The following CDH19 variants were observed in gnomAD, a reference collection of about 807,000 sequenced individuals.
CDH19 encodes cadherin 19.
In CDH19, 67 loss-of-function variants were observed where a neutral mutation model predicts 64.2. That is an observed-to-expected ratio of 1.04 (90% CI 0.86 to 1.28). CDH19 has a LOEUF of 1.28. Among genes scored for constraint, CDH19 ranks in the 50% most tolerant of loss-of-function variants. The pLI is 0.00. For synonymous variants in CDH19, 346 were observed against 319.3 expected (o/e 1.08, Z -0.89); for missense variants, 1,030 against 929.0 (o/e 1.11, Z -1.41).
chr18:66,579,947 C>G (rs1988377798), intron 1 of CDH19, among the ~76,000 whole-genome samples: 1 of 151,894 alleles, frequency 6.6e-6, no homozygotes, highest in Non-Finnish European at 1.5e-5. Flanking sequence ...AGTATATTTT[C>G]TTTAAAATAT....
intron 1 of CDH19, among the ~76,000 whole-genome samples, chr18:66,588,764 C>T (rs1988656927): frequency 6.6e-6 from 1 of 151,326 alleles, no homozygotes; most frequent in African/African-American, 2.4e-5. Context: ...TCTCAATTAG[C>T]CTCTGATAAA....
chr18:66,505,872 C>A (rs1243240687), intron 11 of CDH19, among the ~76,000 whole-genome samples: 1 of 151,640 alleles, frequency 6.6e-6, no homozygotes, highest in Admixed American at 6.6e-5. Context: ...TGATTTTATT[C>A]TTGTGAAAGT....
intron 1 of CDH19, among the ~76,000 whole-genome samples, chr18:66,589,899 C>T (rs1599040156): frequency 6.6e-6 from 1 of 151,736 alleles, no homozygotes; most frequent in East Asian, 1.9e-4. Flanking sequence ...TTGATCCAGG[C>T]CTGCAAAAGC....
intron 5 of CDH19, among the ~76,000 whole-genome samples, chr18:66,549,181 T>C (rs1331846469): frequency 1.3e-5 from 2 of 152,098 alleles, no homozygotes; most frequent in Non-Finnish European, 2.9e-5. Context: ...AAAGATAATT[T>C]TAAAAGATAT....
intron 10 of CDH19, among the ~76,000 whole-genome samples, chr18:66,510,724 G>T: frequency 6.6e-6 from 1 of 151,018 alleles, no homozygotes; most frequent in East Asian, 1.9e-4. Flanking sequence ...GATATTTGTG[G>T]TTTTTGTCTG....
chr18:66,510,148 T>G (rs1177511099), intron 10 of CDH19, among the ~76,000 whole-genome samples: 1 of 151,726 alleles, frequency 6.6e-6, no homozygotes, highest in Non-Finnish European at 1.5e-5. Context: ...TAGAAGACAA[T>G]AGCAGTAAAA....
In CDH19 at chr18:66,505,089, A is replaced by T. The variant is rs781283949; in HGVS notation, c.2042T>A (p.Leu681Gln). 1.9e-6 allele frequency: 3 copies of T among 1,613,660 alleles called. No homozygotes were observed. The highest frequency in any genetic ancestry group is 2.5e-6 in the Non-Finnish European group (3 of 1,179,742). ...GCCAACTTGCAAAGACTGCCTGTAT[A>T]GGCTCCTGATCTCAGCGCTTGTGGT... Reference protein sequence around the residue: ...RKTTSAEIRSLYRQSLQVGPD... With the variant: ...RKTTSAEIRSQYRQSLQVGPD... Residue 681 changes from leucine (L) to glutamine (Q), a missense_variant, in exon 12 of 12, where the codon CTA (leucine) becomes CAA (glutamine). By Grantham distance (113) the Leu-to-Gln change is moderately radical. Transcript: ENST00000262150.
At chr18:66,536,059 C>A in intron 7 of CDH19, among the ~76,000 whole-genome samples, 1 of 149,718 alleles carries the variant, frequency 6.7e-6, no homozygotes. Context: ...ATGATCTCCA[C>A]CTCCACAATG....
rs1455238919 is a variant in CDH19, at chr18:66,543,751, C to T, written c.1214+220G>A. Among the ~76,000 whole-genome samples the T allele has an allele frequency of 2.6e-5, 4 of 152,008 alleles. No homozygotes were observed. In the South Asian group the frequency reaches 6.2e-4, roughly 24 times the overall value. On this transcript the variant is annotated intron_variant, in intron 7 of 11. Transcript: ENST00000262150. The stretch of plus-strand genomic sequence containing the variant: ...TACAAAAATTAGCTGGGCGTGGTGG[C>T]GCATGCCTATAGTCCCAGCTACTAG...
chr18:66,568,420 T>C lies in CDH19; in HGVS notation c.486A>G (p.Pro162=). 1.9e-6 allele frequency: 3 copies of C among 1,608,838 alleles called. No individual in the cohort carries two copies. The highest frequency in any genetic ancestry group is 2.5e-6 in the Non-Finnish European group (3 of 1,176,606). Residue 162 remains proline, a synonymous_variant, in exon 3 of 12, where the codon CCA becomes CCG. Coordinates refer to ENST00000262150, the MANE Select transcript of CDH19 (RefSeq NM_021153.4). ...PYEAIVPEMS[P]EGTLVIQVTA... ...ATGTAAATTAATATGCAATACCTTC[T>C]GGAGACATCTCTGGTACAATGGCCT...
chr18:66,585,368 C>T (rs1988546428), intron 1 of CDH19, among the ~76,000 whole-genome samples: 1 of 151,984 alleles, frequency 6.6e-6, no homozygotes, highest in Non-Finnish European at 1.5e-5. Flanking sequence ...AGACAGTTTG[C>T]TGGAGATAAG....
chr18:66,537,135 CA>C (rs1475483331), intron 7 of CDH19, among the ~76,000 whole-genome samples: 1 of 151,874 alleles, frequency 6.6e-6, no homozygotes, highest in Non-Finnish European at 1.5e-5. Flanking sequence ...TTTAATTAAT[CA>C]AACTACAAAC....
At chr18:66,576,851 T>C (rs1397816322) in intron 1 of CDH19, among the ~76,000 whole-genome samples, 13 of 151,658 alleles carry the variant, frequency 8.6e-5, no homozygotes, top group East Asian at 7.7e-4. Flanking sequence ...GTAAAATCTA[T>C]AGGTAACTTT....
intron 7 of CDH19, among the ~76,000 whole-genome samples, chr18:66,538,675 G>GA (rs2144460729): frequency 6.6e-6 from 1 of 152,194 alleles, no homozygotes; most frequent in South Asian, 2.1e-4. Flanking sequence ...GGCTGAAAAC[G>GA]ATAAATTAAC....
intron 9 of CDH19, among the ~76,000 whole-genome samples, chr18:66,514,036 A>G (rs554522): frequency 0.23 from 34,837 of 151,224 alleles, 4,444 homozygotes; most frequent in East Asian, 0.46. Context: ...TGTTCTATAC[A>G]TTATCTTAGA....
intron 8 of CDH19, 119 bp downstream of exon 8, chr18:66,534,867 G>T: frequency 3.3e-6 from 2 of 607,002 alleles, no homozygotes; most frequent in Non-Finnish European, 5.2e-6. Context: ...CATTTACATT[G>T]AATGTCATTT....
At chr18:66,547,835 T>C (rs1987184407) in intron 5 of CDH19, among the ~76,000 whole-genome samples, 2 of 144,754 alleles carry the variant, frequency 1.4e-5, no homozygotes, top group Non-Finnish European at 3.0e-5. Flanking sequence ...GCCCGGCTAA[T>C]TTTTTGTATT....
Position 66,572,164 on chromosome 18 carries a change from G to C in CDH19, c.41C>G (p.Pro14Arg), listed in dbSNP as rs750370068. Residue 14 changes from proline (P) to arginine (R), a missense_variant, in exon 2 of 12, where the codon CCT becomes CGT. By Grantham distance (103) the Pro-to-Arg change is moderately radical. Coordinates refer to ENST00000262150, the MANE Select transcript of CDH19 (RefSeq NM_021153.4). ...TGCTCCAAGACAAGGCCATAGGAGA[G>C]GAATTCCCAACATAAAACGCAGCAG... is the stretch of plus-strand genomic sequence containing the variant. ...YLLLRFMLGI[P>R]LLWPCLGATE... 3.1e-6 allele frequency: 5 copies of C among 1,611,046 alleles called. No homozygotes were observed. The African/African-American group carries it at 5.4e-5, about 17-fold the overall frequency.
intron 9 of CDH19, among the ~76,000 whole-genome samples, chr18:66,521,936 G>A (rs549947609): frequency 3.9e-4 from 59 of 151,368 alleles, no homozygotes; most frequent in African/African-American, 1.4e-3. Context: ...TGTTGTTGTT[G>A]TTGTTGTTGT....
Sources: gnomAD v4.1 joint callset for allele counts (sites outside exome capture counted in the v4.1 genomes callset) on GRCh38, gnomAD v4.1.1 for gene constraint, MANE v1.5 for transcripts, NCBI Gene and HGNC (gene_info 2026-07-23, HGNC 2026-07-21) for gene names.